Variants in CNOT7 observed in about 807,000 individuals in gnomAD.
CNOT7 encodes BTG1-binding factor 1.
A neutral mutation model predicts 37.1 loss-of-function variants in CNOT7; 4 were observed. That is an observed-to-expected ratio of 0.11 (90% CI 0.05 to 0.25). CNOT7 has a LOEUF of 0.25. Among genes scored for constraint, CNOT7 ranks in the 10% least tolerant of loss-of-function variants. The probability of loss-of-function intolerance (pLI) is 1.00; values close to 1 mark genes in which losing one functional copy is unlikely to be tolerated. For missense variants in CNOT7, 170 were observed against 336.2 expected, an observed-to-expected ratio of 0.51 and a Z score of 3.87; for synonymous variants, 128 against 115.6, an observed-to-expected ratio of 1.11 and a Z score of -0.69.
At chr8:17,246,181 C>G (rs1038182495) in intron 1 of CNOT7, 4 of 152,332 alleles carry the variant, frequency 2.6e-5, no homozygotes, top group African/African-American at 7.2e-5. Flanking sequence ...ACCTCTCTCT[C>G]TACTGCAGTC....
chr8:17,242,053 TACTC>T (rs1277819489), intron 3 of CNOT7: 1 of 152,156 alleles, frequency 6.6e-6, no homozygotes, highest in Non-Finnish European at 1.5e-5. Context: ...CAGATACACC[TACTC>T]ACTCACACTG....
At chr8:17,240,929 T>C (rs1383139941) in intron 3 of CNOT7, among the ~76,000 whole-genome samples, 1 of 152,206 alleles carries the variant, frequency 6.6e-6, no homozygotes, top group South Asian at 2.1e-4. Flanking sequence ...TTAAATAAAC[T>C]AACTTAAACA....
rs1402157230 is a variant in CNOT7, at chr8:17,234,777, C to T, written c.557G>A (p.Arg186Gln). ...ATCATAAATGACAGGAAAAAACAAT[C>T]GAAGGATCTCAAAGAAGTCAAGTTC... The part of the protein sequence containing the change: ...EEELDFFEIL[R>Q]LFFPVIYDVK... Residue 186 changes from arginine to glutamine, a missense_variant, in exon 5 of 7, where the codon CGA (arginine) becomes CAA (glutamine). Arg to Gln is a conservative substitution (Grantham distance 43, BLOSUM62 1). Coordinates refer to ENST00000361272, the MANE Select transcript of CNOT7 (RefSeq NM_013354.7). The T allele has an allele frequency of 3.1e-6, 5 of 1,613,694 alleles. No individual in the cohort carries two copies. The highest frequency in any genetic ancestry group is 1.1e-5 in the South Asian group (1 of 91,068).
intron 3 of CNOT7, among the ~76,000 whole-genome samples, chr8:17,240,344 A>G (rs1254782557): frequency 6.9e-6 from 1 of 145,686 alleles, no homozygotes; most frequent in African/African-American, 2.6e-5. Context: ...TTCTTAAAAC[A>G]TTTTGAGATT....
At position 17,228,448 on chromosome 8, in the gene CNOT7, A is replaced by G. The variant is rs1046266326; in HGVS notation, c.*2272T>C. On this transcript the variant is annotated 3_prime_UTR_variant, in exon 7 of 7. Coordinates refer to ENST00000361272, the MANE Select transcript of CNOT7 (RefSeq NM_013354.7). The stretch of plus-strand genomic sequence containing the variant: ...GTTGCTCAACCTACAATGAGGTTAC[A>G]TCTGAAAAAATACTAAGATGCATTT... 3 of 151,998 alleles carry G rather than the reference A, an allele frequency of 2.0e-5. No homozygotes were observed. Among genetic ancestry groups the G allele is most frequent in the Non-Finnish European group, 4.4e-5 (3 of 67,868 alleles). The allele number at this position is 151,998 out of a possible 1,614,324, so 9.4% of individuals were successfully genotyped here. A position where few individuals can be genotyped will look rare whatever the true frequency, so the allele number is the denominator to read the frequency against.
Position 17,230,589 on chromosome 8 carries a change from G to T in CNOT7, c.*131C>A. 2 of 621,658 alleles carry T rather than the reference G, an allele frequency of 3.2e-6. No individual in the cohort carries two copies. Among genetic ancestry groups the T allele is most frequent in the Non-Finnish European group, 5.2e-6 (2 of 384,964 alleles). 38.5% of individuals were successfully genotyped at this position (621,658 alleles called of 1,614,324 possible). ...GGAACGGTCATACTTAGTACTGAAA[G>T]GCAGACAATAAAATGGGCCATGAAA... On this transcript the variant is annotated 3_prime_UTR_variant, in exon 7 of 7. Coordinates refer to ENST00000361272, the MANE Select transcript of CNOT7 (RefSeq NM_013354.7).
intron 3 of CNOT7, chr8:17,242,353 C>G (rs186754312): frequency 7.2e-5 from 11 of 152,276 alleles, no homozygotes; most frequent in Non-Finnish European, 1.2e-4. Context: ...CTTCCCTTAG[C>G]TATCAAGACT....
chr8:17,236,469 A>T (rs980898179), intron 4 of CNOT7, among the ~76,000 whole-genome samples: 1 of 152,198 alleles, frequency 6.6e-6, no homozygotes, highest in African/African-American at 2.4e-5. Flanking sequence ...TACCAGAAAC[A>T]CTCTTAAATA....
chr8:17,228,653 A>C lies in CNOT7; in HGVS notation c.*2067T>G, dbSNP rs1260351263. ...AATACACCCACTGTAAAGTTGAAAAATCATTAAGTCGAAAGTAAGTTAGGG... is the reference window on the plus strand; with the variant it reads ...AATACACCCACTGTAAAGTTGAAAACTCATTAAGTCGAAAGTAAGTTAGGG... On this transcript the variant is annotated 3_prime_UTR_variant, in exon 7 of 7. Transcript: ENST00000361272. 6.6e-6 allele frequency: 1 copy of C among 151,916 alleles called. No homozygotes were observed. The highest frequency in any genetic ancestry group is 6.6e-5 in the Admixed American group (1 of 15,232). The allele number at this position is 151,916 out of a possible 1,614,324, so 9.4% of individuals were successfully genotyped here. A position where few individuals can be genotyped will look rare whatever the true frequency, so the allele number is the denominator to read the frequency against.
chr8:17,233,899 G>T (rs1450091058), intron 5 of CNOT7, among the ~76,000 whole-genome samples: 1 of 152,084 alleles, frequency 6.6e-6, no homozygotes, highest in African/African-American at 2.4e-5. Context: ...CTAAAAATAC[G>T]AAATTTAGCT....
chr8:17,231,344 C>T (rs1024664855), intron 6 of CNOT7, among the ~76,000 whole-genome samples: 1 of 152,038 alleles, frequency 6.6e-6, no homozygotes, highest in African/African-American at 2.4e-5. Context: ...AAATTAGTGC[C>T]AGAAATCCAC....
At chr8:17,239,440 C>G (rs1809836842) in intron 3 of CNOT7, among the ~76,000 whole-genome samples, 1 of 152,182 alleles carries the variant, frequency 6.6e-6, no homozygotes, top group African/African-American at 2.4e-5. Context: ...CTGTTACCAC[C>G]AAACCCAAGG....
At chr8:17,237,567 C>A in intron 3 of CNOT7, 194 bp from the exon 4 acceptor site, 1 of 530,180 alleles carries the variant, frequency 1.9e-6, no homozygotes, top group Non-Finnish European at 3.3e-6. Flanking sequence ...AAAAGTGTTT[C>A]GAATAAAAAA....
rs1810403785 is a variant in CNOT7, at chr8:17,243,028, G to A, written c.275C>T (p.Thr92Ile). Reference protein sequence around the residue: ...MNEQGEYPPGTSTWQFNFKFN... With the variant: ...MNEQGEYPPGISTWQFNFKFN... ...TTTAAAATTAAACTGCCAAGTTGAA[G>A]TTCCTGGAGGGTATTCTCCTTGCTC... The change falls in exon 3 of 7, where the codon ACT (threonine) becomes ATT (isoleucine). Residue 92 changes from threonine to isoleucine, a missense_variant. Around this residue, in one of 6 missense-constraint regions of CNOT7, gnomAD observed 20 missense variants for 18.5 expected, o/e 1.08. Transcript: ENST00000361272. 3 of 1,602,336 alleles carry A rather than the reference G, an allele frequency of 1.9e-6. No individual in the cohort carries two copies. Among genetic ancestry groups the A allele is most frequent in the Non-Finnish European group, 2.6e-6 (3 of 1,175,920 alleles).
intron 1 of CNOT7, 107 bp downstream of exon 1, chr8:17,246,568 T>G (rs1260550667): frequency 6.6e-6 from 1 of 151,992 alleles, no homozygotes; most frequent in Non-Finnish European, 1.5e-5. Context: ...CCAGCCGCAC[T>G]CCAGCTGGCG....
intron 6 of CNOT7, 57 bp downstream of exon 6, chr8:17,232,370 T>G: frequency 6.2e-7 from 1 of 1,611,240 alleles, no homozygotes; most frequent in South Asian, 1.1e-5. Flanking sequence ...GGCCACAAGA[T>G]TTTTAATGTT....
At chr8:17,234,065 A>G (rs1585790964) in intron 5 of CNOT7, among the ~76,000 whole-genome samples, 1 of 152,224 alleles carries the variant, frequency 6.6e-6, no homozygotes, top group Admixed American at 6.5e-5. Context: ...AAAAACAAAA[A>G]AAGAATTAAT....
At position 17,234,811 on chromosome 8, in the gene CNOT7, G is replaced by T; in HGVS notation, c.523C>A (p.Pro175Thr). Residue 175 changes from proline (P) to threonine (T), a missense_variant, in exon 5 of 7, where the codon CCT becomes ACT. Coordinates refer to ENST00000361272, the MANE Select transcript of CNOT7 (RefSeq NM_013354.7). ...LIKILTNSNL[P>T]EEELDFFEIL... ...TCAAAGAAGTCAAGTTCTTCTTCAG[G>T]CAAGTTAGAGTTGGTTAGGATTTTG... 1 of 1,613,786 alleles carries T rather than the reference G, an allele frequency of 6.2e-7. No individual in the cohort carries two copies. The highest frequency in any genetic ancestry group is 8.5e-7 in the Non-Finnish European group (1 of 1,179,800).
rs745992447 is a variant in CNOT7, at chr8:17,243,075, C to T, written c.228G>A (p.Gln76=). Residue 76 remains glutamine, a synonymous_variant, in exon 3 of 7, where the codon CAG becomes CAA. Coordinates refer to ENST00000361272, the MANE Select transcript of CNOT7 (RefSeq NM_013354.7). ...RCNVDLLKII[Q]LGLTFMNEQG... is the part of the protein sequence containing the mutation. Reference sequence around the variant, plus strand: ...GCTCATTCATAAATGTCAGTCCTAGCTGAATTATCTTTAACAAGTCTACAT... The same window carrying T: ...GCTCATTCATAAATGTCAGTCCTAGTTGAATTATCTTTAACAAGTCTACAT... 37 of 1,611,798 alleles carry T rather than the reference C, an allele frequency of 2.3e-5. No homozygotes were observed. The highest frequency in any genetic ancestry group is 6.7e-5 in the African/African-American group (5 of 74,816).
Sources: gnomAD v4.1 joint callset for allele counts (sites outside exome capture counted in the v4.1 genomes callset) on GRCh38, gnomAD v4.1.1 for gene constraint, gnomAD v4.1.1 regional missense constraint, MANE v1.5 for transcripts, NCBI Gene and HGNC (gene_info 2026-07-23, HGNC 2026-07-21) for gene names.